Variants in NYAP2 observed in about 807,000 individuals in gnomAD.
NYAP2 encodes the protein neuronal tyrosine-phosphorylated phosphoinositide-3-kinase adaptor 2.
In NYAP2, 23 loss-of-function variants were observed where a neutral mutation model predicts 50.4. The observed-to-expected ratio is 0.46, with a 90% CI of 0.33 to 0.65. The LOEUF (loss-of-function observed/expected upper bound fraction) is 0.65, where lower values mean the gene tolerates loss of function less well. NYAP2 is among the 30% of genes least tolerant of loss of function. NYAP2 has a pLI of 0.02. For synonymous variants in NYAP2, 394 were observed against 365.2 expected (o/e 1.08, Z -0.90); for missense variants, 885 against 861.0 (o/e 1.03, Z -0.35).
intron 3 of NYAP2, among the ~76,000 whole-genome samples, chr2:225,471,263 T>C (rs1282042527): frequency 6.6e-6 from 1 of 152,264 alleles, no homozygotes; most frequent in Non-Finnish European, 1.5e-5. Context: ...TCCTCATGTG[T>C]GTCTATATCT....
At chr2:225,685,269 C>A in the NYAP2 span, among the ~76,000 whole-genome samples, 1 of 152,014 alleles carries the variant, frequency 6.6e-6, no homozygotes, top group Non-Finnish European at 1.5e-5. Context: ...TGTGGTCAAG[C>A]CCATATATAC....
exon 5 of NYAP2, chr2:225,581,954 A>G (rs2106229129): frequency 3.7e-6 from 6 of 1,600,964 alleles, no homozygotes; most frequent in African/African-American, 1.3e-5. Flanking sequence ...CAGCTAAACC[A>G]AGACCCCACA....
chr2:225,405,187 T>G (rs1272214338), intron 2 of NYAP2, among the ~76,000 whole-genome samples: 7 of 151,984 alleles, frequency 4.6e-5, no homozygotes, highest in Non-Finnish European at 7.4e-5. Context: ...AAGGGATGCC[T>G]GTAGAAAAGC....
the NYAP2 span, among the ~76,000 whole-genome samples, chr2:225,677,315 A>T: frequency 1.3e-5 from 2 of 152,136 alleles, no homozygotes; most frequent in African/African-American, 4.8e-5. Flanking sequence ...TTTTCGGTGG[A>T]GTCTTCAGGG....
At chr2:225,573,441 G>A (rs912468976) in intron 4 of NYAP2, among the ~76,000 whole-genome samples, 2 of 151,688 alleles carry the variant, frequency 1.3e-5, no homozygotes, top group South Asian at 2.1e-4. Context: ...TAGTAGAGAC[G>A]GGGTTTCACT....
chr2:225,493,095 C>T (rs971932509), intron 3 of NYAP2, among the ~76,000 whole-genome samples: 1 of 151,940 alleles, frequency 6.6e-6, no homozygotes, highest in Admixed American at 6.6e-5. Flanking sequence ...AAGGATCCTC[C>T]TGCCACAGCC....
intron 3 of NYAP2, among the ~76,000 whole-genome samples, chr2:225,491,330 A>G (rs922939122): frequency 6.6e-6 from 1 of 152,190 alleles, no homozygotes; most frequent in Admixed American, 6.5e-5. Flanking sequence ...GAAGTGTCCC[A>G]TTGCTTGTCA....
At position 225,403,455 on chromosome 2, in the gene NYAP2, G is replaced by T. The variant is rs143417907; in HGVS notation, c.-18+2412G>T. ...GGTCACAATTAGCATTATAATAATC[G>T]CACAAAATAAACTATCTTATTATAG... On this transcript the variant is annotated intron_variant, in intron 2 of 6. Transcript: ENST00000636099. Among the ~76,000 whole-genome samples the T allele has an allele frequency of 2.0e-5, 3 of 151,774 alleles. 1 individual carries two copies. The highest frequency in any genetic ancestry group is 6.6e-5 in the Admixed American group (1 of 15,186).
chr2:225,454,829 A>G (rs1689712374), intron 3 of NYAP2, among the ~76,000 whole-genome samples: 1 of 152,118 alleles, frequency 6.6e-6, no homozygotes. Context: ...CCTGGTGCCA[A>G]AAAGTTTGGG....
intron 3 of NYAP2, among the ~76,000 whole-genome samples, chr2:225,498,684 A>C (rs900092201): frequency 8.5e-5 from 13 of 152,098 alleles, no homozygotes; most frequent in South Asian, 4.1e-4. Context: ...AAAGCCTTGT[A>C]GATGGTTTGG....
At chr2:225,590,950 A>G (rs549904591) in intron 5 of NYAP2, among the ~76,000 whole-genome samples, 3 of 152,294 alleles carry the variant, frequency 2.0e-5, no homozygotes, top group East Asian at 1.9e-4. Flanking sequence ...GAATTCCTCA[A>G]TATCTGAGTT....
At chr2:225,633,061 T>C (rs1472469198) in intron 6 of NYAP2, among the ~76,000 whole-genome samples, 1 of 152,164 alleles carries the variant, frequency 6.6e-6, no homozygotes, top group Non-Finnish European at 1.5e-5. Flanking sequence ...TTATTCTAGA[T>C]CTTCTTAAAA....
At chr2:225,605,146 C>T (rs1034599527) in intron 5 of NYAP2, among the ~76,000 whole-genome samples, 1 of 152,060 alleles carries the variant, frequency 6.6e-6, no homozygotes, top group Non-Finnish European at 1.5e-5. Context: ...TCTCCCCATG[C>T]ATTAATATTT....
the NYAP2 span, among the ~76,000 whole-genome samples, chr2:225,663,477 C>T: frequency 1.3e-5 from 2 of 152,138 alleles, no homozygotes; most frequent in African/African-American, 4.8e-5. Context: ...TTTTCCTGTT[C>T]AGCTTCCTTA....
chr2:225,626,387 G>T (rs1207290126), intron 5 of NYAP2, among the ~76,000 whole-genome samples: 1 of 152,144 alleles, frequency 6.6e-6, no homozygotes, highest in African/African-American at 2.4e-5. Flanking sequence ...TGATATAAAT[G>T]ACAAAGGAAA....
intron 5 of NYAP2, among the ~76,000 whole-genome samples, chr2:225,621,420 G>A (rs1184285901): frequency 6.6e-6 from 1 of 152,136 alleles, no homozygotes; most frequent in Non-Finnish European, 1.5e-5. Context: ...CATACCTAAT[G>A]TAGTCAAATT....
At chr2:225,662,700 T>C in the NYAP2 span, among the ~76,000 whole-genome samples, 6 of 152,226 alleles carry the variant, frequency 3.9e-5, no homozygotes, top group African/African-American at 9.6e-5. Flanking sequence ...AGAAAGTTAT[T>C]TGAAGGACCA....
chr2:225,409,181 T>G, intron 3 of NYAP2, 80 bp downstream of exon 3: 1 of 1,086,906 alleles, frequency 9.2e-7, no homozygotes, highest in Non-Finnish European at 1.3e-6. Context: ...ATGTTGTCAC[T>G]TGGTCAGAAA....
intron 4 of NYAP2, among the ~76,000 whole-genome samples, chr2:225,553,927 G>A (rs1691726316): frequency 6.6e-6 from 1 of 152,172 alleles, no homozygotes. Context: ...GGCTGAGGCA[G>A]GAGAATCGCT....
Sources: gnomAD v4.1 joint callset for allele counts (sites outside exome capture counted in the v4.1 genomes callset) on GRCh38, gnomAD v4.1.1 for gene constraint, MANE v1.5 for transcripts, NCBI Gene and HGNC (gene_info 2026-07-23, HGNC 2026-07-21) for gene names.